MYRIP: variants seen among roughly 807,000 people sequenced by gnomAD.
The protein encoded by MYRIP is myosin VIIA and Rab interacting protein.
MYRIP carries 49 observed loss-of-function variants against 98.0 expected under a neutral mutation model. That is an observed-to-expected ratio of 0.50 (90% CI 0.40 to 0.63). The LOEUF is 0.63. Ranked by LOEUF, MYRIP falls within the 30% of genes least tolerant of loss-of-function variation. MYRIP has a pLI of 0.00. For missense variants in MYRIP, 1,004 were observed against 1,058.2 expected, an observed-to-expected ratio of 0.95 and a Z score of 0.71; for synonymous variants, 404 against 409.5, an observed-to-expected ratio of 0.99 and a Z score of 0.16.
chr3:39,977,742 TCTATC>T (rs1945791979), intron 2 of MYRIP, among the ~76,000 whole-genome samples: 1 of 152,196 alleles, frequency 6.6e-6, no homozygotes, highest in African/African-American at 2.4e-5. Flanking sequence ...CATTTATTCT[TCTATC>T]CTATGTACCT....
intron 1 of MYRIP, among the ~76,000 whole-genome samples, chr3:39,819,911 A>C (rs1941052931): frequency 6.6e-6 from 1 of 152,214 alleles, no homozygotes; most frequent in Admixed American, 6.5e-5. Context: ...TTATGAGTTA[A>C]ATTTTCTGTG....
chr3:40,114,133 T>C (rs1188765671), intron 3 of MYRIP, among the ~76,000 whole-genome samples: 3 of 152,212 alleles, frequency 2.0e-5, no homozygotes, highest in Non-Finnish European at 4.4e-5. Context: ...ATGCACCACA[T>C]AACAACATTT....
intron 9 of MYRIP, among the ~76,000 whole-genome samples, chr3:40,185,411 G>A (rs1412796232): frequency 6.6e-6 from 1 of 152,218 alleles, no homozygotes; most frequent in Non-Finnish European, 1.5e-5. Flanking sequence ...ATCACTCAGT[G>A]AGAGTTAGTT....
chr3:39,969,940 A>C (rs781688202), intron 2 of MYRIP, among the ~76,000 whole-genome samples: 1 of 152,116 alleles, frequency 6.6e-6, no homozygotes, highest in East Asian at 1.9e-4. Flanking sequence ...CTGAGAATCT[A>C]TCAGGTCCCA....
intron 2 of MYRIP, among the ~76,000 whole-genome samples, chr3:39,940,577 AT>A (rs1944761451): frequency 6.6e-6 from 1 of 152,094 alleles, no homozygotes; most frequent in African/African-American, 2.4e-5. Flanking sequence ...TATGGATTTA[AT>A]AGCTTCTATT....
chr3:39,890,560 A>G (rs1483302793), intron 1 of MYRIP, among the ~76,000 whole-genome samples: 1 of 151,346 alleles, frequency 6.6e-6, no homozygotes, highest in African/African-American at 2.4e-5. Context: ...ACTTATTATC[A>G]AAAGAGTTTA....
At chr3:40,022,274 A>G (rs1947016109) in intron 2 of MYRIP, among the ~76,000 whole-genome samples, 1 of 152,238 alleles carries the variant, frequency 6.6e-6, no homozygotes, top group South Asian at 2.1e-4. Context: ...TCAAAGGCAC[A>G]TAAGGAAAGT....
intron 1 of MYRIP, among the ~76,000 whole-genome samples, chr3:39,848,878 T>C (rs1423573301): frequency 6.6e-6 from 1 of 152,108 alleles, no homozygotes; most frequent in African/African-American, 2.4e-5. Flanking sequence ...TAATAATTTA[T>C]ATCTCTGTGG....
Position 39,987,906 on chromosome 3 carries a change from A to C in MYRIP, c.111-56144A>C, listed in dbSNP as rs565904722. On this transcript the variant is annotated intron_variant, in intron 2 of 16. Coordinates refer to ENST00000302541, the MANE Select transcript of MYRIP (RefSeq NM_015460.4). Reference sequence around the variant, plus strand: ...TTCACAATAGCAAAGACTTGGAACCAAGCCAAATGTCCAACAATGATAGAC... The same window carrying C: ...TTCACAATAGCAAAGACTTGGAACCCAGCCAAATGTCCAACAATGATAGAC... 2.6e-5 allele frequency among the ~76,000 whole-genome samples: 4 copies of C among 152,346 alleles called. No individual in the cohort carries two copies. In the East Asian group the frequency reaches 7.7e-4, roughly 29 times the overall value.
At chr3:39,847,940 C>A (rs1942018275) in intron 1 of MYRIP, among the ~76,000 whole-genome samples, 1 of 152,204 alleles carries the variant, frequency 6.6e-6, no homozygotes, top group South Asian at 2.1e-4. Context: ...CTGCAGCAAT[C>A]ACACAGCTCT....
chr3:39,926,541 C>T (rs930590635), intron 2 of MYRIP, among the ~76,000 whole-genome samples: 1 of 151,974 alleles, frequency 6.6e-6, no homozygotes, highest in African/African-American at 2.4e-5. Flanking sequence ...CAGTTTCATT[C>T]TTCTGCTTAT....
chr3:40,254,307 G>C (rs1373330834), intron 16 of MYRIP, among the ~76,000 whole-genome samples: 1 of 152,100 alleles, frequency 6.6e-6, no homozygotes, highest in Non-Finnish European at 1.5e-5. Context: ...TAAGAGGAGG[G>C]TAGGGAAAAA....
intron 12 of MYRIP, among the ~76,000 whole-genome samples, chr3:40,235,437 T>C (rs1952799586): frequency 6.6e-6 from 1 of 152,166 alleles, no homozygotes; most frequent in African/African-American, 2.4e-5. Context: ...AATGATCCCA[T>C]TAAAATTCAC....
At chr3:40,074,623 A>G (rs1441645835) in intron 3 of MYRIP, among the ~76,000 whole-genome samples, 1 of 152,174 alleles carries the variant, frequency 6.6e-6, no homozygotes, top group African/African-American at 2.4e-5. Context: ...AAATGAAATC[A>G]TAAAAGATGA....
At chr3:39,874,168 G>T (rs1455861571) in intron 1 of MYRIP, among the ~76,000 whole-genome samples, 1 of 152,110 alleles carries the variant, frequency 6.6e-6, no homozygotes, top group Non-Finnish European at 1.5e-5. Flanking sequence ...AAGAATGCTT[G>T]TGATTTTTGT....
intron 2 of MYRIP, among the ~76,000 whole-genome samples, chr3:40,002,245 CAT>C (rs766615986): frequency 3.9e-5 from 6 of 152,114 alleles, no homozygotes; most frequent in Non-Finnish European, 8.8e-5. Context: ...TTAAAACAGT[CAT>C]ATTGAGGCTG....
chr3:39,882,947 A>G (rs1037889381), intron 1 of MYRIP, among the ~76,000 whole-genome samples: 1 of 152,144 alleles, frequency 6.6e-6, no homozygotes, highest in South Asian at 2.1e-4. Flanking sequence ...GACATCTATA[A>G]AAGCTGAATA....
At chr3:39,947,263 A>G (rs958915257) in intron 2 of MYRIP, among the ~76,000 whole-genome samples, 2 of 152,136 alleles carry the variant, frequency 1.3e-5, no homozygotes, top group African/African-American at 2.4e-5. Context: ...AAAGAGTAAT[A>G]AAAGAAAACT....
intron 10 of MYRIP, among the ~76,000 whole-genome samples, chr3:40,199,373 G>A (rs1341175463): frequency 6.6e-6 from 1 of 152,190 alleles, no homozygotes; most frequent in Non-Finnish European, 1.5e-5. Flanking sequence ...TGCTGTCCGG[G>A]CTGCTCCAGG....
Sources: allele counts gnomAD v4.1 joint callset (sites outside exome capture counted in the v4.1 genomes callset), GRCh38; gene constraint gnomAD v4.1.1; transcripts MANE v1.5; gene names NCBI Gene and HGNC (gene_info 2026-07-23, HGNC 2026-07-21).